The following TP73 variants were observed in gnomAD, a reference collection of about 807,000 sequenced individuals.
TP73 encodes the protein p53-like transcription factor.
In TP73, 25 loss-of-function variants were observed where a neutral mutation model predicts 62.5. The observed-to-expected ratio is 0.40, with a 90% CI of 0.29 to 0.56. The LOEUF (loss-of-function observed/expected upper bound fraction) is 0.56, where lower values mean the gene tolerates loss of function less well. TP73 is among the 20% of genes least tolerant of loss of function. The pLI, the probability that TP73 is intolerant of heterozygous loss-of-function variation, is 0.46. For synonymous variants in TP73, 423 were observed against 377.5 expected (o/e 1.12, Z -1.40); for missense variants, 754 against 913.3 (o/e 0.83, Z 2.25).
chr1:3,717,661 A>G (rs915491524), intron 4 of TP73, among the ~76,000 whole-genome samples: 2 of 152,150 alleles, frequency 1.3e-5, no homozygotes, highest in African/African-American at 2.4e-5. Flanking sequence ...CCTGAAGCCT[A>G]GAGGCCTGCT....
In TP73 at chr1:3,728,118, TGGCCTTCC is replaced by T. The variant is rs750094512; in HGVS notation, c.986-10_986-3del. ...GCCTGCTCACCCCGCCTGCCCTGCC[TGGCCTTCC>T]AGCCTTCAAGCAGAGCCCCCCTGCC... On this transcript the variant is annotated splice_region_variant and splice_polypyrimidine_tract_variant and intron_variant, in intron 8 of 13. Coordinates refer to ENST00000378295, the MANE Select transcript of TP73 (RefSeq NM_005427.4). 6.2e-7 allele frequency: 1 copy of T among 1,607,506 alleles called. No individual in the cohort carries two copies. The highest frequency in any genetic ancestry group is 1.1e-5 in the South Asian group (1 of 90,830).
At position 3,670,590 on chromosome 1, in the gene TP73, T is replaced by C. The variant is rs1385353575; in HGVS notation, c.-33-11743T>C. ...CTGAGTCAGAAGAATCATTTGAACC[T>C]GGAAGGCGGAGGTTGCAGTGAGCTG... On this transcript the variant is annotated intron_variant, in intron 1 of 13. Transcript: ENST00000378295. The surrounding 1 kb of genome is among the most constrained non-coding windows in gnomAD (Gnocchi z 5.9). 6.6e-6 allele frequency among the ~76,000 whole-genome samples: 1 copy of C among 151,914 alleles called. No individual in the cohort carries two copies. Among genetic ancestry groups the C allele is most frequent in the African/African-American group, 2.4e-5 (1 of 41,342 alleles).
intron 3 of TP73, among the ~76,000 whole-genome samples, chr1:3,688,297 G>T (rs1464575923): frequency 6.6e-6 from 1 of 152,210 alleles, no homozygotes; most frequent in Non-Finnish European, 1.5e-5. Context: ...GAGCCTTGCA[G>T]CTTCTGCGGC....
At chr1:3,661,727 T>C (rs1644991598) in intron 1 of TP73, among the ~76,000 whole-genome samples, 1 of 126,086 alleles carries the variant, frequency 7.9e-6, no homozygotes, top group African/African-American at 3.3e-5. Flanking sequence ...TTTGTGTATA[T>C]ATATATATAT....
chr1:3,689,812 T>C (rs1014268356), intron 3 of TP73, among the ~76,000 whole-genome samples: 7 of 152,080 alleles, frequency 4.6e-5, no homozygotes, highest in Non-Finnish European at 8.8e-5. Context: ...GGACTGGAAG[T>C]GTGGGTCCGC....
rs572951604 is a variant in TP73, at chr1:3,693,537, C to T, written c.186+10357C>T. On this transcript the variant is annotated intron_variant, in intron 3 of 13. Transcript: ENST00000378295. Reference sequence around the variant, plus strand: ...CAGCTGAGTCTTTGGTCAGTGACGCCGCTCTCTGAGCCTCAGTCTCCTCTA... The same window carrying T: ...CAGCTGAGTCTTTGGTCAGTGACGCTGCTCTCTGAGCCTCAGTCTCCTCTA... Among the ~76,000 whole-genome samples, 223 of 152,254 alleles carry T rather than the reference C, an allele frequency of 1.5e-3. 5 individuals are homozygous for T. The South Asian group carries it at 0.023, about 16-fold the overall frequency.
intron 3 of TP73, among the ~76,000 whole-genome samples, chr1:3,703,875 G>A (rs918914533): frequency 6.6e-6 from 1 of 152,200 alleles, no homozygotes; most frequent in Non-Finnish European, 1.5e-5. Context: ...TGGGGAAGTC[G>A]TGCATCCCTG....
chr1:3,683,187 G>T lies in TP73; in HGVS notation c.186+7G>T, dbSNP rs199602778. On this transcript the variant is annotated splice_region_variant and intron_variant, in intron 3 of 13. Transcript: ENST00000378295. ...CATGACTACATCTGTCATGGTGAGT[G>T]GGGGGGCTGCCCTCTGCAAGAGGAC... 2.2e-3 allele frequency: 3,055 copies of T among 1,377,906 alleles called. 67 individuals are homozygous for T. The South Asian group carries it at 0.04, about 18-fold the overall frequency. 85.4% of individuals were successfully genotyped at this position (1,377,906 alleles called of 1,614,324 possible).
chr1:3,695,039 G>A (rs1638507361), intron 3 of TP73, among the ~76,000 whole-genome samples: 1 of 152,140 alleles, frequency 6.6e-6, no homozygotes, highest in African/African-American at 2.4e-5. Context: ...TTCCACATGG[G>A]GGACTGGATA....
In TP73 at chr1:3,707,762, T is replaced by G. The variant is rs1639794789; in HGVS notation, c.400T>G (p.Ser134Ala). The G allele has an allele frequency of 6.2e-7, 1 of 1,612,846 alleles. No homozygotes were observed. ...PHHFEVTFQQSSTAKSATWTY... is the reference protein window; with the variant it reads ...PHHFEVTFQQASTAKSATWTY... Reference sequence around the variant, plus strand: ...CCACTTTGAGGTCACTTTCCAGCAGTCCAGCACGGCCAAGTCAGCCACCTG... The same window carrying G: ...CCACTTTGAGGTCACTTTCCAGCAGGCCAGCACGGCCAAGTCAGCCACCTG... The change falls in exon 4 of 14, where the codon TCC (serine) becomes GCC (alanine). Residue 134 changes from serine (S) to alanine (A), a missense_variant. Physicochemically the swap from Ser to Ala is moderately conservative, Grantham distance 99. Coordinates refer to ENST00000378295, the MANE Select transcript of TP73 (RefSeq NM_005427.4).
chr1:3,721,873 T>G, intron 4 of TP73, 148 bp from the exon 5 acceptor site: 1 of 794,876 alleles, frequency 1.3e-6, no homozygotes, highest in Non-Finnish European at 2.0e-6. Flanking sequence ...CCTGGAGGGA[T>G]TCAGCAGAGG....
chr1:3,657,211 G>A (rs1279854988), intron 1 of TP73, among the ~76,000 whole-genome samples: 1 of 152,232 alleles, frequency 6.6e-6, no homozygotes, highest in African/African-American at 2.4e-5. Context: ...GAAGCCAGGT[G>A]TGGGCAGGGT....
chr1:3,722,539 CAG>C (rs1240081582), intron 5 of TP73, among the ~76,000 whole-genome samples: 11 of 152,220 alleles, frequency 7.2e-5, no homozygotes, highest in Non-Finnish European at 1.3e-4. Flanking sequence ...GCAGGAGAAT[CAG>C]GGGGCAGAGC....
intron 1 of TP73, among the ~76,000 whole-genome samples, chr1:3,674,127 C>T (rs1226977175): frequency 2.0e-5 from 3 of 152,222 alleles, no homozygotes; most frequent in Non-Finnish European, 4.4e-5. Flanking sequence ...CTACATTTCA[C>T]TTGGCTGAGT....
Position 3,722,217 on chromosome 1 carries a change from C to T in TP73, c.616+10C>T. ...AGGGACTTCAACGAAGGTGAGGGCC[C>T]CCAGCTCCTCTGCCCACGGTGGCAC... On this transcript the variant is annotated intron_variant, in intron 5 of 13. Transcript: ENST00000378295. 1.9e-6 allele frequency: 3 copies of T among 1,612,242 alleles called. No homozygotes were observed. Among genetic ancestry groups the T allele is most frequent in the Non-Finnish European group, 2.5e-6 (3 of 1,179,668 alleles).
intron 3 of TP73, among the ~76,000 whole-genome samples, chr1:3,684,727 T>C (rs1336873488): frequency 6.6e-6 from 1 of 152,044 alleles, no homozygotes; most frequent in Admixed American, 6.5e-5. Flanking sequence ...CCTCAGCCTG[T>C]ATCTGAGGGT....
At position 3,699,597 on chromosome 1, in the gene TP73, C is replaced by A. The variant is rs1638981094; in HGVS notation, c.187-7952C>A. 6.6e-6 allele frequency among the ~76,000 whole-genome samples: 1 copy of A among 152,222 alleles called. No homozygotes were observed. The highest frequency in any genetic ancestry group is 2.4e-5 in the African/African-American group (1 of 41,454). ...TCTGGAAACGTCTGTCACGGGCACA[C>A]CATGCACCATGCCATGGCTGCCAGT... is the stretch of plus-strand genomic sequence containing the variant. On this transcript the variant is annotated intron_variant, in intron 3 of 13. Coordinates refer to ENST00000378295, the MANE Select transcript of TP73 (RefSeq NM_005427.4). The surrounding 1 kb of genome is among the most constrained non-coding windows in gnomAD (Gnocchi z 4.1).
At position 3,686,421 on chromosome 1, in the gene TP73, CAG is replaced by C. The variant is rs548958195; in HGVS notation, c.186+3242_186+3243del. Among the ~76,000 whole-genome samples the C allele has an allele frequency of 3.9e-4, 60 of 152,306 alleles. 2 individuals carry two copies. The South Asian group carries it at 1.0e-2, about 25-fold the overall frequency. The stretch of plus-strand genomic sequence containing the variant: ...GTCCTTGCTGGTGAAGCTGGGGTGA[CAG>C]GGGGTAGGAGCCCAGAGCAGAGAGC... On this transcript the variant is annotated intron_variant, in intron 3 of 13. Coordinates refer to ENST00000378295, the MANE Select transcript of TP73 (RefSeq NM_005427.4).
At position 3,733,619 on chromosome 1, in the gene TP73, G is replaced by A. The variant is rs1353209533; in HGVS notation, c.*540G>A. 6.3e-6 allele frequency: 1 copy of A among 159,190 alleles called. No individual in the cohort carries two copies. The highest frequency in any genetic ancestry group is 1.4e-5 in the Non-Finnish European group (1 of 70,912). 9.9% of individuals were successfully genotyped at this position (159,190 alleles called of 1,614,324 possible). Reference sequence around the variant, plus strand: ...GCGTCTTGCCCGCGCCGGGGGCTGGGGACTCTCTCTGCTGGACTTGGGACT... The same window carrying A: ...GCGTCTTGCCCGCGCCGGGGGCTGGAGACTCTCTCTGCTGGACTTGGGACT... On this transcript the variant is annotated 3_prime_UTR_variant, in exon 14 of 14. Transcript: ENST00000378295.
Sources: gnomAD v4.1 joint callset for allele counts (sites outside exome capture counted in the v4.1 genomes callset) on GRCh38, gnomAD v4.1.1 for gene constraint, Gnocchi (gnomAD v3.1) non-coding constraint, MANE v1.5 for transcripts, NCBI Gene and HGNC (gene_info 2026-07-23, HGNC 2026-07-21) for gene names.